MACROD2: variants seen among roughly 807,000 people sequenced by gnomAD.
The protein encoded by MACROD2 is ADP-ribose glycohydrolase MACROD2.
Under a neutral mutation model 70.4 loss-of-function variants are expected in MACROD2, and 36 were observed. The observed-to-expected ratio is 0.51, with a 90% confidence interval of 0.39 to 0.68. The LOEUF (loss-of-function observed/expected upper bound fraction) is 0.68. Among genes scored for constraint, MACROD2 ranks in the 30% least tolerant of loss-of-function variants. The pLI, the probability that MACROD2 is intolerant of heterozygous loss-of-function variation, is 0.00. For missense variants in MACROD2, 496 were observed against 538.4 expected (o/e 0.92, Z 0.78); for synonymous variants, 172 against 178.8 (o/e 0.96, Z 0.30).
intron 4 of MACROD2, among the ~76,000 whole-genome samples, chr20:14,607,352 C>T (rs1982870225): frequency 6.6e-6 from 1 of 152,114 alleles, no homozygotes; most frequent in Non-Finnish European, 1.5e-5. Context: ...CAGTCTGATT[C>T]TAAAACACAA....
At chr20:14,058,669 G>C (rs1476512123) in intron 2 of MACROD2, among the ~76,000 whole-genome samples, 1 of 135,206 alleles carries the variant, frequency 7.4e-6, no homozygotes, top group Non-Finnish European at 1.5e-5. Context: ...TTTTGAGACA[G>C]AGTCTCGCTC....
chr20:15,244,267 G>A lies in MACROD2; in HGVS notation c.540+14206G>A, dbSNP rs145866621. On this transcript the variant is annotated intron_variant, in intron 6 of 17. Transcript: ENST00000684519. ...CAACAAATGCTAAAAATCAGGGCTT[G>A]ATGTACTATTTTGCTGGTTAATGAG... 2.7e-3 allele frequency among the ~76,000 whole-genome samples: 418 copies of A among 152,302 alleles called. 3 individuals carry two copies. Among genetic ancestry groups the A allele is most frequent in the African/African-American group, 8.6e-3 (359 of 41,560 alleles).
intron 5 of MACROD2, among the ~76,000 whole-genome samples, chr20:15,144,613 A>G (rs1237798949): frequency 1.3e-5 from 2 of 152,166 alleles, no homozygotes; most frequent in Admixed American, 1.3e-4. Context: ...GAAATCACCA[A>G]AGTCATAAGA....
At chr20:15,386,843 A>G (rs948116675) in intron 6 of MACROD2, among the ~76,000 whole-genome samples, 1 of 152,224 alleles carries the variant, frequency 6.6e-6, no homozygotes, top group Non-Finnish European at 1.5e-5. Flanking sequence ...TTTGAAAAGT[A>G]TTTAATTTAT....
intron 6 of MACROD2, among the ~76,000 whole-genome samples, chr20:15,263,855 A>G (rs190612222): frequency 1.4e-4 from 22 of 152,252 alleles, no homozygotes; most frequent in Admixed American, 1.4e-3. Context: ...GTGTCTAGAA[A>G]TGCTACTGAT....
rs115043919 is a variant in MACROD2, at chr20:15,903,000, A to C, written c.775+17189A>C. 6.7e-3 allele frequency among the ~76,000 whole-genome samples: 1,020 copies of C among 152,232 alleles called. 11 individuals carry two copies. The highest frequency in any genetic ancestry group is 0.02 in the African/African-American group (835 of 41,532). ...AATATGTTAGATCTCTCTGATTATT[A>C]AGTTTCTATTTGAGAAGAAACCTGA... is the stretch of plus-strand genomic sequence containing the variant. On this transcript the variant is annotated intron_variant, in intron 10 of 17. Transcript: ENST00000684519.
At chr20:16,025,733 T>C (rs535349584) in intron 15 of MACROD2, among the ~76,000 whole-genome samples, 2 of 152,238 alleles carry the variant, frequency 1.3e-5, no homozygotes, top group South Asian at 4.1e-4. Flanking sequence ...GCTGCCTCAT[T>C]TTTAGAATCT....
At chr20:14,811,007 T>A (rs2072703890) in intron 5 of MACROD2, among the ~76,000 whole-genome samples, 1 of 152,088 alleles carries the variant, frequency 6.6e-6, no homozygotes, top group Non-Finnish European at 1.5e-5. Flanking sequence ...AAAATGGCCA[T>A]ACTGCCCAAA....
intron 5 of MACROD2, among the ~76,000 whole-genome samples, chr20:14,724,870 T>C (rs1345711965): frequency 6.6e-6 from 1 of 152,178 alleles, no homozygotes; most frequent in African/African-American, 2.4e-5. Flanking sequence ...GCACCATGGC[T>C]TGCTTAGTAT....
chr20:14,514,608 A>G (rs1451488976), intron 4 of MACROD2, among the ~76,000 whole-genome samples: 1 of 152,156 alleles, frequency 6.6e-6, no homozygotes, highest in Admixed American at 6.6e-5. Context: ...ATCGCAGGTA[A>G]TGTTATCTTC....
chr20:14,557,927 C>A (rs995838453), intron 4 of MACROD2, among the ~76,000 whole-genome samples: 1 of 151,746 alleles, frequency 6.6e-6, no homozygotes, highest in Non-Finnish European at 1.5e-5. Context: ...CATTAATTTT[C>A]ATACCAGTGT....
intron 3 of MACROD2, among the ~76,000 whole-genome samples, chr20:14,243,093 T>G (rs1257460270): frequency 6.6e-6 from 1 of 152,178 alleles, no homozygotes; most frequent in South Asian, 2.1e-4. Flanking sequence ...TTTGGAGATA[T>G]GCTTGAGGAC....
chr20:14,681,646 G>T (rs1043821337), intron 4 of MACROD2, among the ~76,000 whole-genome samples: 3 of 152,102 alleles, frequency 2.0e-5, no homozygotes, highest in Non-Finnish European at 4.4e-5. Context: ...GAAAGGTTTT[G>T]TATCTTTATT....
chr20:15,060,069 T>C (rs1320126062), intron 5 of MACROD2, among the ~76,000 whole-genome samples: 1 of 152,198 alleles, frequency 6.6e-6, no homozygotes, highest in Non-Finnish European at 1.5e-5. Context: ...GGCTAACACA[T>C]GCATATACAA....
At chr20:15,570,844 C>T (rs1310537915) in intron 8 of MACROD2, among the ~76,000 whole-genome samples, 2 of 151,398 alleles carry the variant, frequency 1.3e-5, no homozygotes, top group South Asian at 2.1e-4. Context: ...TTTCATAGAT[C>T]AAACTAAAAA....
At chr20:14,549,435 G>A in intron 4 of MACROD2, among the ~76,000 whole-genome samples, 1 of 152,094 alleles carries the variant, frequency 6.6e-6, no homozygotes, top group Middle Eastern at 3.4e-3. Context: ...CTTATCACCT[G>A]TTTTATATGT....
At chr20:14,841,602 T>C (rs1286103505) in intron 5 of MACROD2, among the ~76,000 whole-genome samples, 1 of 152,112 alleles carries the variant, frequency 6.6e-6, no homozygotes, top group Non-Finnish European at 1.5e-5. Context: ...GCAGCTTTTG[T>C]AGGTGATCAG....
chr20:15,009,278 G>T (rs1270554572), intron 5 of MACROD2, among the ~76,000 whole-genome samples: 1 of 152,034 alleles, frequency 6.6e-6, no homozygotes, highest in African/African-American at 2.4e-5. Context: ...CCCTTAAGTT[G>T]ATTCCTCCCC....
rs968382918 is a variant in MACROD2 at position 14,108,192 on chromosome 20, A to G, written c.271+22464A>G. 4.6e-5 allele frequency among the ~76,000 whole-genome samples: 7 copies of G among 152,210 alleles called. No homozygotes were observed. In the South Asian group the frequency reaches 1.2e-3, roughly 27 times the overall value. On this transcript the variant is annotated intron_variant, in intron 3 of 17. Transcript: ENST00000684519. The stretch of plus-strand genomic sequence containing the variant: ...GCAATCAGTGTTGTCATCAGTTTAA[A>G]ATATTGGGTTATAAGATAATGTTTG...
Sources: gnomAD v4.1 joint callset for allele counts (sites outside exome capture counted in the v4.1 genomes callset) on GRCh38, gnomAD v4.1.1 for gene constraint, MANE v1.5 for transcripts, NCBI Gene and HGNC (gene_info 2026-07-23, HGNC 2026-07-21) for gene names.